DENND5B: variants seen among roughly 807,000 people sequenced by gnomAD.
The protein encoded by DENND5B is DENN domain containing 5B.
DENND5B carries 34 observed loss-of-function variants against 140.6 expected under a neutral mutation model. The ratio of observed to expected loss-of-function variants is 0.24; its 90% CI spans 0.18 to 0.32. The LOEUF is 0.32. Among genes scored for constraint, DENND5B ranks in the 10% least tolerant of loss-of-function variants. The pLI is 1.00. For synonymous variants in DENND5B, 551 were observed against 562.1 expected (o/e 0.98, Z 0.28); for missense variants, 1,142 against 1,560.2 (o/e 0.73, Z 4.52).
intron 1 of DENND5B, among the ~76,000 whole-genome samples, chr12:31,540,414 G>A (rs1592008990): frequency 6.6e-6 from 1 of 152,152 alleles, no homozygotes; most frequent in African/African-American, 2.4e-5. Flanking sequence ...AGTGCTTTGG[G>A]AGGCCAAGGT....
intron 1 of DENND5B, among the ~76,000 whole-genome samples, chr12:31,589,154 G>A (rs1433870455): frequency 6.6e-6 from 1 of 152,166 alleles, no homozygotes; most frequent in African/African-American, 2.4e-5. Context: ...AGGCCTCCAA[G>A]TGACCCTGGT....
At position 31,387,703 on chromosome 12, in the gene DENND5B, C is replaced by T. The variant is rs1359578020; in HGVS notation, c.3725G>A (p.Arg1242Gln). The change falls in exon 21 of 21, where the codon CGA (arginine) becomes CAA (glutamine). Residue 1242 changes from arginine (R) to glutamine (Q), a missense_variant. Physicochemically the swap from Arg to Gln is conservative, Grantham distance 43. Around this residue, in one of 5 missense-constraint regions of DENND5B, gnomAD observed 125 missense variants for 179.0 expected, o/e 0.70. Transcript: ENST00000389082. ...AAGGGAGTTGACAGTCATGCGGTCT[C>T]GCAGGAGAGCGCTCTCTTCATACAT... ...TRMYEESALLRDRMTVNSLIR... is the reference protein window; with the variant it reads ...TRMYEESALLQDRMTVNSLIR... The T allele has an allele frequency of 1.2e-6, 2 of 1,613,924 alleles. No homozygotes were observed. The highest frequency in any genetic ancestry group is 8.5e-7 in the Non-Finnish European group (1 of 1,179,904).
At chr12:31,586,560 A>G (rs969146404) in intron 1 of DENND5B, among the ~76,000 whole-genome samples, 2 of 152,230 alleles carry the variant, frequency 1.3e-5, no homozygotes, top group African/African-American at 4.8e-5. Context: ...ATTTGAGATG[A>G]AAGAAGTCTC....
intron 2 of DENND5B, among the ~76,000 whole-genome samples, chr12:31,486,797 AAT>A (rs1372715520): frequency 2.6e-5 from 4 of 152,232 alleles, no homozygotes; most frequent in African/African-American, 9.6e-5. Flanking sequence ...TTCCATAAAA[AAT>A]AGTGTTCTCT....
At chr12:31,496,682 G>C (rs1946771317) in intron 1 of DENND5B, among the ~76,000 whole-genome samples, 1 of 151,896 alleles carries the variant, frequency 6.6e-6, no homozygotes, top group Non-Finnish European at 1.5e-5. Context: ...TGGGCAACAT[G>C]GTGAGACCCC....
chr12:31,574,193 A>T (rs1949920978), intron 1 of DENND5B, among the ~76,000 whole-genome samples: 1 of 150,552 alleles, frequency 6.6e-6, no homozygotes, highest in African/African-American at 2.4e-5. Context: ...AGCCCGGGAG[A>T]TCGAGGCTGC....
At chr12:31,439,339 G>A (rs999627300) in intron 7 of DENND5B, among the ~76,000 whole-genome samples, 17 of 152,126 alleles carry the variant, frequency 1.1e-4, no homozygotes, top group African/African-American at 4.1e-4. Flanking sequence ...GAAACCATAA[G>A]ATTATATATA....
chr12:31,499,024 T>A (rs1371547016), intron 1 of DENND5B, among the ~76,000 whole-genome samples: 2 of 149,094 alleles, frequency 1.3e-5, no homozygotes, highest in Non-Finnish European at 3.0e-5. Flanking sequence ...CAGCTATTCC[T>A]ACTAGCACTG....
chr12:31,405,240 C>T (rs957811884), intron 14 of DENND5B, among the ~76,000 whole-genome samples: 136 of 150,144 alleles, frequency 9.1e-4, no homozygotes, highest in African/African-American at 3.3e-3. Context: ...TTTTGAGACA[C>T]GGTCTCGCTC....
At chr12:31,468,571 C>A (rs1265953029) in intron 3 of DENND5B, among the ~76,000 whole-genome samples, 2 of 151,940 alleles carry the variant, frequency 1.3e-5, no homozygotes, top group Non-Finnish European at 2.9e-5. Context: ...CTTTGGGAGG[C>A]CAATGCAGGA....
intron 1 of DENND5B, among the ~76,000 whole-genome samples, chr12:31,520,564 A>G (rs559874683): frequency 6.0e-4 from 91 of 152,292 alleles, no homozygotes; most frequent in Admixed American, 1.4e-3. Context: ...TTTTTGAGAA[A>G]GAGTCTCACT....
intron 14 of DENND5B, among the ~76,000 whole-genome samples, chr12:31,408,589 T>G (rs1040909838): frequency 1.6e-5 from 2 of 123,336 alleles, no homozygotes; most frequent in Non-Finnish European, 3.1e-5. Context: ...ATCGTGCCAC[T>G]GCACTCCAGC....
chr12:31,585,415 A>ATAC (rs1950363579), intron 1 of DENND5B, among the ~76,000 whole-genome samples: 1 of 152,226 alleles, frequency 6.6e-6, no homozygotes, highest in Admixed American at 6.5e-5. Context: ...AATTAAGCCT[A>ATAC]TACACCCGGC....
intron 7 of DENND5B, among the ~76,000 whole-genome samples, chr12:31,433,669 G>A (rs1052673180): frequency 6.6e-6 from 1 of 152,000 alleles, no homozygotes; most frequent in Non-Finnish European, 1.5e-5. Context: ...CCATAATTTA[G>A]AATTACTTAA....
intron 5 of DENND5B, among the ~76,000 whole-genome samples, chr12:31,450,026 C>T (rs7298445): frequency 0.15 from 22,824 of 152,124 alleles, 1,918 homozygotes; most frequent in East Asian, 0.25. Context: ...CCACTGTGCC[C>T]AGCCCACAGA....
intron 7 of DENND5B, among the ~76,000 whole-genome samples, chr12:31,441,249 C>G (rs1234110573): frequency 6.6e-6 from 1 of 152,048 alleles, no homozygotes; most frequent in African/African-American, 2.4e-5. Flanking sequence ...GAGGCTGAGG[C>G]AGGAGGATCA....
rs150172297 is a variant in DENND5B, at chr12:31,567,780, C to G, written c.127+22926G>C. On this transcript the variant is annotated intron_variant, in intron 1 of 20. Coordinates refer to ENST00000389082, the MANE Select transcript of DENND5B (RefSeq NM_144973.4). ...GAGCTATGATCTCACCACTGCACTCCAGCCTAGGCAAACAGAGCAAGATTC... is the reference window on the plus strand; with the variant it reads ...GAGCTATGATCTCACCACTGCACTCGAGCCTAGGCAAACAGAGCAAGATTC... 7.6e-3 allele frequency among the ~76,000 whole-genome samples: 1,163 copies of G among 152,296 alleles called. 14 individuals are homozygous for G. The highest frequency in any genetic ancestry group is 0.026 in the African/African-American group (1,086 of 41,548).
chr12:31,392,168 A>G, intron 19 of DENND5B, 99 bp downstream of exon 19: 1 of 1,284,774 alleles, frequency 7.8e-7, no homozygotes, highest in Non-Finnish European at 1.1e-6. Flanking sequence ...AAATATATAT[A>G]TCCTTATCAC....
chr12:31,590,484 G>C, intron 1 of DENND5B: 1 of 478,054 alleles, frequency 2.1e-6, no homozygotes, highest in East Asian at 4.3e-5. Context: ...ATAACCCAGC[G>C]CCTGGAGGCG....
Sources: allele counts gnomAD v4.1 joint callset (sites outside exome capture counted in the v4.1 genomes callset), GRCh38; gene constraint gnomAD v4.1.1; regional missense constraint gnomAD v4.1.1; transcripts MANE v1.5; gene names NCBI Gene and HGNC (gene_info 2026-07-23, HGNC 2026-07-21).